TRPM3: variants seen among roughly 807,000 people sequenced by gnomAD.
TRPM3 encodes transient receptor potential cation channel subfamily M member 3, also known as long transient receptor potential channel 3.
A neutral mutation model predicts 181.2 loss-of-function variants in TRPM3; 77 were observed. The ratio of observed to expected loss-of-function variants is 0.42; its 90% CI spans 0.35 to 0.51. The LOEUF (loss-of-function observed/expected upper bound fraction) is 0.51. TRPM3 is among the 20% of genes least tolerant of loss of function. The pLI is 0.01. For missense variants in TRPM3, 1,759 were observed against 2,196.7 expected (o/e 0.80, Z 3.98); for synonymous variants, 745 against 796.4 (o/e 0.94, Z 1.09).
intron 1 of TRPM3, among the ~76,000 whole-genome samples, chr9:71,170,898 G>T (rs1455518941): frequency 6.6e-6 from 1 of 152,178 alleles, no homozygotes; most frequent in Non-Finnish European, 1.5e-5. Context: ...GACCACTGGT[G>T]AGCTGGGCAG....
chr9:71,161,371 T>C (rs2076264231), intron 1 of TRPM3, among the ~76,000 whole-genome samples: 1 of 152,178 alleles, frequency 6.6e-6, no homozygotes, highest in Non-Finnish European at 1.5e-5. Flanking sequence ...TAGAGATCTA[T>C]GACGCCCTGA....
intron 1 of TRPM3, among the ~76,000 whole-genome samples, chr9:71,238,107 G>A (rs2081467377): frequency 6.6e-6 from 1 of 152,038 alleles, no homozygotes; most frequent in African/African-American, 2.4e-5. Flanking sequence ...TCAAATCAAA[G>A]TAACACCTCT....
Position 71,375,953 on chromosome 9 carries a change from TTTGTGTAACTA to T in TRPM3, c.183+70689_183+70699del, listed in dbSNP as rs557219689. ...TTATATGTACTGGGAATCTAAAAGA[TTTGTGTAACTA>T]TTGCAGTAGTCTGGAACCGAACCTA... On this transcript the variant is annotated intron_variant, in intron 1 of 24. Transcript: ENST00000357533. Among the ~76,000 whole-genome samples, 1,413 of 152,250 alleles carry T rather than the reference TTTGTGTAACTA, an allele frequency of 9.3e-3. 12 individuals carry two copies. Among genetic ancestry groups the T allele is most frequent in the Non-Finnish European group, 0.014 (927 of 68,016 alleles).
chr9:70,911,119 C>A (rs2096533183), intron 1 of TRPM3, among the ~76,000 whole-genome samples: 1 of 152,162 alleles, frequency 6.6e-6, no homozygotes, highest in Non-Finnish European at 1.5e-5. Flanking sequence ...AAAAGAAAAT[C>A]TTCAAGAAGA....
chr9:71,441,812 T>C (rs2094140102), intron 1 of TRPM3, among the ~76,000 whole-genome samples: 1 of 152,200 alleles, frequency 6.6e-6, no homozygotes, highest in East Asian at 1.9e-4. Context: ...TTTGTATTTT[T>C]AGTAGAGATG....
At chr9:71,203,155 A>G (rs1456199095) in intron 1 of TRPM3, among the ~76,000 whole-genome samples, 78 of 152,204 alleles carry the variant, frequency 5.1e-4, no homozygotes, top group Non-Finnish European at 1.5e-5. Flanking sequence ...GATACTGTCT[A>G]AGGGAGATCT....
chr9:70,755,731 C>G (rs990982411), intron 8 of TRPM3, among the ~76,000 whole-genome samples: 1 of 152,176 alleles, frequency 6.6e-6, no homozygotes, highest in African/African-American at 2.4e-5. Context: ...CTAAGCTTCA[C>G]AAGTGAAGAA....
At chr9:70,589,552 A>G (rs547566741) in intron 22 of TRPM3, among the ~76,000 whole-genome samples, 2 of 152,226 alleles carry the variant, frequency 1.3e-5, no homozygotes, top group Non-Finnish European at 2.9e-5. Flanking sequence ...GTTTTTAAAA[A>G]GTGTTGTTTT....
chr9:70,634,883 A>T (rs2056881758), intron 12 of TRPM3, among the ~76,000 whole-genome samples: 1 of 152,174 alleles, frequency 6.6e-6, no homozygotes, highest in Non-Finnish European at 1.5e-5. Flanking sequence ...GCAGCTCCCC[A>T]AACAGTGAGG....
intron 1 of TRPM3, among the ~76,000 whole-genome samples, chr9:70,983,133 T>A (rs2097380504): frequency 6.6e-6 from 1 of 152,130 alleles, no homozygotes; most frequent in African/African-American, 2.4e-5. Flanking sequence ...CACCGAACTC[T>A]CCACCACATT....
chr9:71,352,066 G>A (rs182142588), intron 1 of TRPM3, among the ~76,000 whole-genome samples: 21 of 151,998 alleles, frequency 1.4e-4, no homozygotes, highest in African/African-American at 4.3e-4. Flanking sequence ...TAGTAAAGGC[G>A]GGGTTTCACC....
chr9:70,898,020 T>C (rs1161073570), intron 1 of TRPM3, among the ~76,000 whole-genome samples: 1 of 152,112 alleles, frequency 6.6e-6, no homozygotes, highest in Non-Finnish European at 1.5e-5. Context: ...TTGAATAACA[T>C]CCCCGACCAG....
At chr9:71,394,901 C>T (rs545759794) in intron 1 of TRPM3, among the ~76,000 whole-genome samples, 2 of 152,296 alleles carry the variant, frequency 1.3e-5, no homozygotes, top group East Asian at 3.9e-4. Context: ...AAACTGTCCA[C>T]AGGAGGATGA....
chr9:71,231,294 G>C (rs2081033272), intron 1 of TRPM3, among the ~76,000 whole-genome samples: 2 of 152,160 alleles, frequency 1.3e-5, no homozygotes, highest in Admixed American at 1.3e-4. Context: ...AGAGAAGTAA[G>C]AGAATCTGAG....
chr9:71,223,797 T>G (rs1027517308), intron 1 of TRPM3, among the ~76,000 whole-genome samples: 3 of 152,226 alleles, frequency 2.0e-5, no homozygotes, highest in African/African-American at 7.2e-5. Context: ...GAGAGACTCC[T>G]CTGTCTATAG....
chr9:71,209,600 G>C (rs1377754166), intron 1 of TRPM3, among the ~76,000 whole-genome samples: 1 of 152,172 alleles, frequency 6.6e-6, no homozygotes, highest in African/African-American at 2.4e-5. Context: ...GAGGCAAAGA[G>C]CACCTGCTGA....
intron 1 of TRPM3, among the ~76,000 whole-genome samples, chr9:71,421,855 GGGACCA>G (rs1284266533): frequency 1.3e-5 from 2 of 151,926 alleles, no homozygotes; most frequent in Non-Finnish European, 2.9e-5. Context: ...AAAATCTTAT[GGGACCA>G]GTGTCAAATG....
chr9:70,806,720 T>TAAAATAAAATAAAAG, intron 6 of TRPM3, among the ~76,000 whole-genome samples: 1 of 142,224 alleles, frequency 7.0e-6, no homozygotes, highest in African/African-American at 2.8e-5. Context: ...TAAAATAAAA[T>TAAAATAAAATAAAAG]AAAAAGAAAA....
intron 1 of TRPM3, among the ~76,000 whole-genome samples, chr9:71,388,896 G>A (rs1483802336): frequency 6.6e-6 from 1 of 152,020 alleles, no homozygotes; most frequent in Non-Finnish European, 1.5e-5. Flanking sequence ...AAACTAATGT[G>A]AACAGGTTTG....
Sources: gnomAD v4.1 joint callset for allele counts (sites outside exome capture counted in the v4.1 genomes callset) on GRCh38, gnomAD v4.1.1 for gene constraint, MANE v1.5 for transcripts, NCBI Gene and HGNC (gene_info 2026-07-23, HGNC 2026-07-21) for gene names.